FAT4: variants seen among roughly 807,000 people sequenced by gnomAD.
FAT4 encodes the protein FAT atypical cadherin 4, also known as protocadherin Fat 4.
In FAT4, 84 loss-of-function variants were observed where a neutral mutation model predicts 303.9. The ratio of observed to expected loss-of-function variants is 0.28; its 90% CI spans 0.23 to 0.33. The LOEUF is 0.33. Ranked by LOEUF, FAT4 falls within the 10% of genes least tolerant of loss-of-function variation. The probability of loss-of-function intolerance (pLI) is 1.00; values close to 1 mark genes in which losing one functional copy is unlikely to be tolerated. For missense variants in FAT4, 6,005 were observed against 6,146.8 expected (o/e 0.98, Z 0.77); for synonymous variants, 2,307 against 2,298.8 (o/e 1.00, Z -0.10).
At chr4:125,335,485 C>T (rs1731535683) in intron 2 of FAT4, among the ~76,000 whole-genome samples, 1 of 151,704 alleles carries the variant, frequency 6.6e-6, no homozygotes, top group African/African-American at 2.4e-5. Flanking sequence ...TGTCTTACAC[C>T]TCCAATACTA....
chr4:125,345,059 A>T (rs976198132), intron 2 of FAT4, among the ~76,000 whole-genome samples: 8 of 152,092 alleles, frequency 5.3e-5, no homozygotes. Flanking sequence ...TAATTTGGTC[A>T]TGGTTTGAAC....
chr4:125,365,017 G>A (rs1302216357), intron 2 of FAT4, among the ~76,000 whole-genome samples: 1 of 152,164 alleles, frequency 6.6e-6, no homozygotes, highest in East Asian at 1.9e-4. Context: ...GGAGGTACAT[G>A]CATTGAGTGG....
At chr4:125,458,343 A>G (rs1726359847) in intron 10 of FAT4, among the ~76,000 whole-genome samples, 2 of 152,114 alleles carry the variant, frequency 1.3e-5, no homozygotes, top group South Asian at 2.1e-4. Context: ...TTACTGAGAA[A>G]CTTGCCAGAT....
At chr4:125,373,744 G>C (rs1217816701) in intron 2 of FAT4, among the ~76,000 whole-genome samples, 1 of 152,096 alleles carries the variant, frequency 6.6e-6, no homozygotes, top group Non-Finnish European at 1.5e-5. Context: ...CAGGGGCACA[G>C]GGAGGCAAAA....
Position 125,318,102 on chromosome 4 carries a change from C to T in FAT4, c.1691C>T (p.Ser564Phe). The T allele has an allele frequency of 1.9e-6, 3 of 1,614,134 alleles. No individual in the cohort carries two copies. The highest frequency in any genetic ancestry group is 1.1e-5 in the South Asian group (1 of 91,086). The change falls in exon 2 of 18, where the codon TCC becomes TTC. Residue 564 changes from serine (S) to phenylalanine (F), a missense_variant. Physicochemically the swap from Ser to Phe is radical, Grantham distance 155. Transcript: ENST00000394329. Reference protein sequence around the residue: ...ARDQGVHPKVSYAQLVVTLLD... With the variant: ...ARDQGVHPKVFYAQLVVTLLD... ...GACCAGGGAGTTCACCCCAAGGTGT[C>T]CTATGCCCAGCTTGTAGTAACTCTC... is the stretch of plus-strand genomic sequence containing the variant.
chr4:125,366,064 A>G (rs1482465445), intron 2 of FAT4, among the ~76,000 whole-genome samples: 1 of 152,038 alleles, frequency 6.6e-6, no homozygotes, highest in East Asian at 1.9e-4. Flanking sequence ...CCCTTATGAG[A>G]CCTGCCCCAC....
At chr4:125,440,325 AG>A (rs1229247894) in intron 8 of FAT4, among the ~76,000 whole-genome samples, 2 of 152,048 alleles carry the variant, frequency 1.3e-5, no homozygotes, top group Non-Finnish European at 2.9e-5. Context: ...TACTAAAAAA[AG>A]GCCCTGTCAG....
intron 11 of FAT4, among the ~76,000 whole-genome samples, chr4:125,466,604 C>G (rs924979390): frequency 8.0e-5 from 9 of 111,888 alleles, no homozygotes; most frequent in Non-Finnish European, 1.3e-4. Flanking sequence ...AATACAAATT[C>G]TACAGGATAG....
rs7691027 is a variant in FAT4, at chr4:125,413,347, G to A, written c.5921-1537G>A. ...TTATTCATATTTTTCCTGATCTTCA[G>A]ACTCCTAAGTATTCTGAACTTTGTA... On this transcript the variant is annotated intron_variant, in intron 5 of 17. Coordinates refer to ENST00000394329, the MANE Select transcript of FAT4 (RefSeq NM_001291303.3). Among the ~76,000 whole-genome samples the A allele has an allele frequency of 8.3e-3, 1,255 of 151,792 alleles. 24 individuals carry two copies. The highest frequency in any genetic ancestry group is 0.029 in the African/African-American group (1,205 of 41,506).
rs1193650529 is a variant in FAT4, at chr4:125,421,284, A to G, written c.7018+4662A>G. ...CAAAGCAAACAATTGTGAATCTTCC[A>G]TATCTCCCACATATCTAAGCACTTT... is the stretch of plus-strand genomic sequence containing the variant. On this transcript the variant is annotated intron_variant, in intron 7 of 17. Transcript: ENST00000394329. Among the ~76,000 whole-genome samples the G allele has an allele frequency of 2.6e-5, 4 of 152,160 alleles. No individual in the cohort carries two copies. In the South Asian group the frequency reaches 8.3e-4, roughly 32 times the overall value.
chr4:125,454,149 T>G (rs1726197767), intron 10 of FAT4, among the ~76,000 whole-genome samples: 1 of 152,224 alleles, frequency 6.6e-6, no homozygotes, highest in African/African-American at 2.4e-5. Flanking sequence ...CAAGATAGAT[T>G]GCTTTAACTT....
At chr4:125,335,975 T>C (rs1337143857) in intron 2 of FAT4, among the ~76,000 whole-genome samples, 1 of 152,100 alleles carries the variant, frequency 6.6e-6, no homozygotes, top group Non-Finnish European at 1.5e-5. Flanking sequence ...ATTCAGTTAT[T>C]TACTTCTTGT....
rs1725828056 is a variant in FAT4 at position 125,446,365 on chromosome 4, G to A, written c.7272G>A (p.Leu2424=). Residue 2424 remains leucine, a synonymous_variant, in exon 9 of 18, where the codon TTG becomes TTA. Transcript: ENST00000394329. Reference sequence around the variant, plus strand: ...CAGGACAAATCATCACCAGCGCATTGTTAGATAGGGAAACAAAAGATAATT... The same window carrying A: ...CAGGACAAATCATCACCAGCGCATTATTAGATAGGGAAACAAAAGATAATT... The part of the protein sequence containing the change: ...PSTGQIITSA[L]LDRETKDNYT... The A allele has an allele frequency of 6.2e-7, 1 of 1,613,276 alleles. No individual in the cohort carries two copies. Among genetic ancestry groups the A allele is most frequent in the Admixed American group, 1.7e-5 (1 of 59,944 alleles).
Position 125,452,821 on chromosome 4 carries a change from G to A in FAT4, c.11800+11G>A, listed in dbSNP as rs1726145473. On this transcript the variant is annotated intron_variant, in intron 10 of 17. Transcript: ENST00000394329. ...AAACTGGATACACAGGTATGACAAC[G>A]TTTGTACTTTTCTCACTAAGACTTT... 7 of 1,585,780 alleles carry A rather than the reference G, an allele frequency of 4.4e-6. No homozygotes were observed. In the African/African-American group the frequency reaches 5.4e-5, roughly 12 times the overall value.
At chr4:125,410,696 G>T (rs1170023281) in intron 5 of FAT4, among the ~76,000 whole-genome samples, 1 of 151,832 alleles carries the variant, frequency 6.6e-6, no homozygotes, top group East Asian at 1.9e-4. Context: ...TTAAAATATA[G>T]GGAAACTGCG....
chr4:125,474,393 A>T (rs1279767941), intron 12 of FAT4, among the ~76,000 whole-genome samples: 1 of 152,010 alleles, frequency 6.6e-6, no homozygotes, highest in Non-Finnish European at 1.5e-5. Flanking sequence ...ACTGCTTTTG[A>T]GATTGGATGT....
chr4:125,434,858 GA>G (rs1286650273), intron 8 of FAT4, among the ~76,000 whole-genome samples: 10 of 152,142 alleles, frequency 6.6e-5, no homozygotes, highest in Admixed American at 6.5e-4. Context: ...AGAACTTCCT[GA>G]TGTGGTTCTT....
In FAT4 at chr4:125,315,058, G is replaced by T. The variant is rs1033846014; in HGVS notation, c.-932G>T. ...TGTTTGTGTTTCGGCGACGCGCTGT[G>T]TGTGTGTGTGTGCGTGTGTATGTGT... is the stretch of plus-strand genomic sequence containing the variant. On this transcript the variant is annotated 5_prime_UTR_variant, in exon 1 of 18. Coordinates refer to ENST00000394329, the MANE Select transcript of FAT4 (RefSeq NM_001291303.3). Among the ~76,000 whole-genome samples, 3 of 152,150 alleles carry T rather than the reference G, an allele frequency of 2.0e-5. No individual in the cohort carries two copies. Among genetic ancestry groups the T allele is most frequent in the Non-Finnish European group, 2.9e-5 (2 of 67,964 alleles).
intron 2 of FAT4, among the ~76,000 whole-genome samples, chr4:125,354,924 C>T (rs1026779679): frequency 9.9e-5 from 15 of 151,706 alleles, no homozygotes; most frequent in Non-Finnish European, 1.8e-4. Context: ...GATTCAGAAA[C>T]GTGGGAGGAA....
Sources: gnomAD v4.1 joint callset for allele counts (sites outside exome capture counted in the v4.1 genomes callset) on GRCh38, gnomAD v4.1.1 for gene constraint, MANE v1.5 for transcripts, NCBI Gene and HGNC (gene_info 2026-07-23, HGNC 2026-07-21) for gene names.